Variants in WWOX observed in about 807,000 individuals in gnomAD.
The protein encoded by WWOX is WW domain-containing oxidoreductase.
In WWOX, 69 loss-of-function variants were observed where a neutral mutation model predicts 46.2. The ratio of observed to expected loss-of-function variants is 1.49; its 90% CI spans 1.23 to 1.82. The LOEUF (loss-of-function observed/expected upper bound fraction) is 1.82, where lower values mean the gene tolerates loss of function less well. WWOX is among the 40% of genes most tolerant of loss of function. The pLI is 0.00. For synonymous variants in WWOX, 359 were observed against 202.6 expected (o/e 1.77, Z -6.56); for missense variants, 919 against 542.6 (o/e 1.69, Z -6.89).
intron 5 of WWOX, among the ~76,000 whole-genome samples, chr16:78,370,710 C>G (rs1265570821): frequency 6.8e-6 from 1 of 147,982 alleles, no homozygotes; most frequent in African/African-American, 2.5e-5. Flanking sequence ...GGGATCAATT[C>G]TGGTCTTCAC....
At chr16:79,176,606 A>C (rs569081046) in intron 8 of WWOX, among the ~76,000 whole-genome samples, 133 of 152,324 alleles carry the variant, frequency 8.7e-4, no homozygotes, top group African/African-American at 2.9e-3. Context: ...TGAGAAAGTT[A>C]AACTGATGTC....
At chr16:79,179,756 G>A (rs2050872801) in intron 8 of WWOX, among the ~76,000 whole-genome samples, 2 of 152,212 alleles carry the variant, frequency 1.3e-5, no homozygotes, top group Non-Finnish European at 2.9e-5. Flanking sequence ...GGAAAGGACT[G>A]AAAGATCTCA....
chr16:78,992,338 G>A (rs1304975616), intron 8 of WWOX, among the ~76,000 whole-genome samples: 1 of 151,994 alleles, frequency 6.6e-6, no homozygotes, highest in Non-Finnish European at 1.5e-5. Flanking sequence ...GTGGTGGTGG[G>A]TGCCTGCAAT....
chr16:79,003,306 G>A (rs1567475582), intron 8 of WWOX, among the ~76,000 whole-genome samples: 4 of 152,068 alleles, frequency 2.6e-5, no homozygotes, highest in Admixed American at 2.6e-4. Flanking sequence ...CACAAGGAAT[G>A]GGAGGAACGG....
chr16:78,866,849 G>C (rs1011533531), intron 8 of WWOX, among the ~76,000 whole-genome samples: 3 of 152,128 alleles, frequency 2.0e-5, no homozygotes, highest in Non-Finnish European at 4.4e-5. Context: ...AAAATAGTAG[G>C]GTCAGTAGGT....
intron 5 of WWOX, among the ~76,000 whole-genome samples, chr16:78,177,495 G>A (rs1449215973): frequency 6.6e-6 from 1 of 152,162 alleles, no homozygotes; most frequent in African/African-American, 2.4e-5. Context: ...AAGTATTGGT[G>A]GACTGTGAAC....
chr16:78,843,221 G>A (rs892352127), intron 8 of WWOX, among the ~76,000 whole-genome samples: 2 of 150,018 alleles, frequency 1.3e-5, no homozygotes, highest in African/African-American at 4.8e-5. Context: ...AGATTAGAAC[G>A]TTGAAAGCTT....
chr16:78,659,006 C>T (rs1320021677), intron 8 of WWOX, among the ~76,000 whole-genome samples: 1 of 150,066 alleles, frequency 6.7e-6, no homozygotes, highest in East Asian at 2.0e-4. Flanking sequence ...GCAGAAGAAT[C>T]CCTTGAACCT....
chr16:78,437,851 C>A (rs1444169870), intron 8 of WWOX, among the ~76,000 whole-genome samples: 3 of 152,184 alleles, frequency 2.0e-5, no homozygotes, highest in Non-Finnish European at 4.4e-5. Flanking sequence ...CTAGAGCATT[C>A]TTTTATGCAG....
chr16:78,178,218 A>T (rs2035411175), intron 5 of WWOX, among the ~76,000 whole-genome samples: 1 of 152,172 alleles, frequency 6.6e-6, no homozygotes, highest in African/African-American at 2.4e-5. Flanking sequence ...ATTAGGGCAG[A>T]TTCAAACCTC....
chr16:78,492,076 G>A (rs535030663), intron 8 of WWOX, among the ~76,000 whole-genome samples: 84 of 152,206 alleles, frequency 5.5e-4, no homozygotes, highest in African/African-American at 1.9e-3. Flanking sequence ...CTGGGTTTTC[G>A]AAACTTAGCA....
intron 8 of WWOX, among the ~76,000 whole-genome samples, chr16:78,459,351 C>T (rs577008758): frequency 4.6e-5 from 7 of 152,150 alleles, no homozygotes; most frequent in African/African-American, 1.7e-4. Context: ...TTAATAAATG[C>T]CCTTTTCTTG....
intron 8 of WWOX, among the ~76,000 whole-genome samples, chr16:78,816,992 C>T (rs1477318373): frequency 2.0e-5 from 3 of 152,008 alleles, no homozygotes; most frequent in Admixed American, 6.6e-5. Context: ...TTGCCCAAAC[C>T]AGTCCTGACT....
chr16:78,914,752 G>C (rs201685846), intron 8 of WWOX, among the ~76,000 whole-genome samples: 1 of 149,928 alleles, frequency 6.7e-6, no homozygotes, highest in Non-Finnish European at 1.5e-5. Context: ...GCTGGCAGGC[G>C]CCTGTAGTCC....
chr16:79,043,169 G>C (rs1597317898), intron 8 of WWOX, among the ~76,000 whole-genome samples: 1 of 152,106 alleles, frequency 6.6e-6, no homozygotes, highest in Admixed American at 6.5e-5. Flanking sequence ...GAGAGATGTA[G>C]CTTTGAATGG....
chr16:79,078,344 G>C (rs889888349), intron 8 of WWOX: 3 of 152,168 alleles, frequency 2.0e-5, no homozygotes, highest in African/African-American at 7.2e-5. Context: ...TGCAAGGCAG[G>C]CATCACAGGG....
chr16:79,205,671 G>T (rs369102614), intron 8 of WWOX: 1 of 152,118 alleles, frequency 6.6e-6, no homozygotes, highest in Non-Finnish European at 1.5e-5. Context: ...ACTCCCAAAG[G>T]TTTATGAAGA....
chr16:79,118,329 T>C (rs541055650), intron 8 of WWOX, among the ~76,000 whole-genome samples: 8 of 152,342 alleles, frequency 5.3e-5, no homozygotes, highest in African/African-American at 1.7e-4. Context: ...AAGTTTGCCA[T>C]CTGATATGGG....
At chr16:78,766,641 C>T (rs1001332813) in intron 8 of WWOX, among the ~76,000 whole-genome samples, 1 of 152,118 alleles carries the variant, frequency 6.6e-6, no homozygotes, top group Admixed American at 6.5e-5. Flanking sequence ...TAGCTCTCTC[C>T]AAAGTTTTTA....
Sources: gnomAD v4.1 joint callset for allele counts (sites outside exome capture counted in the v4.1 genomes callset) on GRCh38, gnomAD v4.1.1 for gene constraint, MANE v1.5 for transcripts, NCBI Gene and HGNC (gene_info 2026-07-23, HGNC 2026-07-21) for gene names.